TCERG1L: variants seen among roughly 807,000 people sequenced by gnomAD.
The protein encoded by TCERG1L is transcription elongation regulator 1-like protein.
A neutral mutation model predicts 56.3 loss-of-function variants in TCERG1L; 37 were observed. The ratio of observed to expected loss-of-function variants is 0.66; its 90% CI spans 0.51 to 0.87. TCERG1L has a LOEUF of 0.87. Ranked by LOEUF, TCERG1L falls within the 40% of genes least tolerant of loss-of-function variation. TCERG1L has a pLI of 0.00. For synonymous variants in TCERG1L, 324 were observed against 326.3 expected (o/e 0.99, Z 0.08); for missense variants, 799 against 774.2 (o/e 1.03, Z -0.38).
intron 3 of TCERG1L, among the ~76,000 whole-genome samples, chr10:131,275,239 G>T (rs149124929): frequency 6.6e-5 from 10 of 152,138 alleles, no homozygotes; most frequent in African/African-American, 1.9e-4. Flanking sequence ...GGGCCCCACC[G>T]CATGGGTATG....
At chr10:131,197,475 A>T (rs913221945) in intron 4 of TCERG1L, among the ~76,000 whole-genome samples, 1 of 150,800 alleles carries the variant, frequency 6.6e-6, no homozygotes, top group African/African-American at 2.4e-5. Context: ...ATGAGCCACC[A>T]CACCTGGCCT....
At chr10:131,121,718 G>A (rs548727104) in intron 8 of TCERG1L, among the ~76,000 whole-genome samples, 83 of 149,294 alleles carry the variant, frequency 5.6e-4, no homozygotes, top group African/African-American at 2.0e-3. Flanking sequence ...ATGCCCCCTC[G>A]GCCCTGGCCT....
chr10:131,293,778 C>A (rs1388298591), intron 3 of TCERG1L, among the ~76,000 whole-genome samples: 1 of 152,224 alleles, frequency 6.6e-6, no homozygotes, highest in African/African-American at 2.4e-5. Flanking sequence ...TTTCCTCTTT[C>A]TTTAACTCTT....
At chr10:131,102,369 C>T (rs1414964048) in intron 10 of TCERG1L, among the ~76,000 whole-genome samples, 6 of 152,170 alleles carry the variant, frequency 3.9e-5, no homozygotes, top group East Asian at 1.9e-4. Context: ...GGGCTGGGAA[C>T]GGGAGTGAGG....
rs1332196589 is a variant in TCERG1L, at chr10:131,092,948, A to G, written c.*214T>C. On this transcript the variant is annotated 3_prime_UTR_variant, in exon 12 of 12. Coordinates refer to ENST00000368642, the MANE Select transcript of TCERG1L (RefSeq NM_174937.4). ...AAAACAATTAAGGGATCGACGTATCACGGTGATTAGAAATGCATCAAACTC... is the reference window on the plus strand; with the variant it reads ...AAAACAATTAAGGGATCGACGTATCGCGGTGATTAGAAATGCATCAAACTC... The G allele has an allele frequency of 9.7e-6, 5 of 514,928 alleles. No homozygotes were observed. The highest frequency in any genetic ancestry group is 1.7e-5 in the Non-Finnish European group (5 of 293,174). 31.9% of individuals were successfully genotyped at this position (514,928 alleles called of 1,614,324 possible). A position where few individuals can be genotyped will look rare whatever the true frequency, so the allele number is the denominator to read the frequency against.
intron 3 of TCERG1L, among the ~76,000 whole-genome samples, chr10:131,277,672 T>G (rs937370743): frequency 3.9e-5 from 6 of 152,106 alleles, no homozygotes; most frequent in African/African-American, 1.4e-4. Context: ...AAGTCAGTGT[T>G]GGAGAGGACA....
chr10:131,207,754 C>G (rs1321715572), intron 4 of TCERG1L, among the ~76,000 whole-genome samples: 2 of 152,134 alleles, frequency 1.3e-5, no homozygotes, highest in Non-Finnish European at 2.9e-5. Context: ...GCGCCAGGCC[C>G]GGGAACCAGG....
At chr10:131,309,375 A>G in intron 1 of TCERG1L, 76 bp from the exon 2 acceptor site, 1 of 1,523,858 alleles carries the variant, frequency 6.6e-7, no homozygotes, top group Non-Finnish European at 8.8e-7. Context: ...ACATGCTGGA[A>G]TAACTGCTTT....
At position 131,106,620 on chromosome 10, in the gene TCERG1L, G is replaced by A. The variant is rs115055457; in HGVS notation, c.1396-2266C>T. ...CAGTCTGAGATGTGGTTAGGAGACTGAGCATTGTCTTGAGAGACAGGAGAG... is the reference window on the plus strand; with the variant it reads ...CAGTCTGAGATGTGGTTAGGAGACTAAGCATTGTCTTGAGAGACAGGAGAG... On this transcript the variant is annotated intron_variant, in intron 9 of 11. Transcript: ENST00000368642. 4.9e-3 allele frequency among the ~76,000 whole-genome samples: 752 copies of A among 152,266 alleles called. 2 individuals are homozygous for A. Among genetic ancestry groups the A allele is most frequent in the African/African-American group, 0.013 (523 of 41,546 alleles).
chr10:131,238,590 C>A (rs1416934384), intron 4 of TCERG1L, among the ~76,000 whole-genome samples: 3 of 152,210 alleles, frequency 2.0e-5, no homozygotes, highest in Admixed American at 6.5e-5. Flanking sequence ...CTATTGGGAA[C>A]CTTCCTCCAT....
At chr10:131,180,449 C>T (rs180998918) in intron 4 of TCERG1L, among the ~76,000 whole-genome samples, 101 of 152,340 alleles carry the variant, frequency 6.6e-4, no homozygotes, top group South Asian at 5.2e-3. Flanking sequence ...GTTTCATTAA[C>T]GTAATAAAAA....
chr10:131,231,476 T>A (rs1048409786), intron 4 of TCERG1L, among the ~76,000 whole-genome samples: 1 of 152,120 alleles, frequency 6.6e-6, no homozygotes, highest in African/African-American at 2.4e-5. Context: ...CCGGCTGGCA[T>A]CCCCTGCAGC....
At chr10:131,284,366 A>T (rs2133565798) in intron 3 of TCERG1L, among the ~76,000 whole-genome samples, 1 of 152,254 alleles carries the variant, frequency 6.6e-6, no homozygotes, top group East Asian at 1.9e-4. Context: ...CTGAGTGATA[A>T]CAAAAATAGT....
At position 131,261,383 on chromosome 10, in the gene TCERG1L, G is replaced by A. The variant is rs146640897; in HGVS notation, c.671-939C>T. Among the ~76,000 whole-genome samples, 14 of 152,270 alleles carry A rather than the reference G, an allele frequency of 9.2e-5. No homozygotes were observed. The East Asian group carries it at 1.9e-3, about 21-fold the overall frequency. On this transcript the variant is annotated intron_variant, in intron 3 of 11. Coordinates refer to ENST00000368642, the MANE Select transcript of TCERG1L (RefSeq NM_174937.4). ...TAATTCACTACTCTTGATCTGGCAC[G>A]TCCTGTCGTGTGACCCACCCACATG...
intron 4 of TCERG1L, among the ~76,000 whole-genome samples, chr10:131,175,469 G>GT (rs1846138420): frequency 6.6e-6 from 1 of 152,208 alleles, no homozygotes; most frequent in Admixed American, 6.5e-5. Context: ...GGGCAGGCTT[G>GT]TCCCACTGGG....
intron 4 of TCERG1L, among the ~76,000 whole-genome samples, chr10:131,220,831 G>A (rs143759659): frequency 8.5e-5 from 13 of 152,322 alleles, no homozygotes; most frequent in African/African-American, 2.6e-4. Context: ...GCAGCACCTC[G>A]GGGGCTCCGA....
chr10:131,218,524 G>A (rs11017824), intron 4 of TCERG1L, among the ~76,000 whole-genome samples: 9,652 of 151,930 alleles, frequency 0.064, 439 homozygotes, highest in East Asian at 0.18. Flanking sequence ...ACAGAGTTTC[G>A]TTCTTGTTGC....
intron 4 of TCERG1L, among the ~76,000 whole-genome samples, chr10:131,175,076 T>C: frequency 6.6e-6 from 1 of 152,158 alleles, no homozygotes; most frequent in East Asian, 1.9e-4. Flanking sequence ...GAGAATCTGG[T>C]GTCACGGCTA....
chr10:131,282,708 T>C (rs1564833270), intron 3 of TCERG1L, among the ~76,000 whole-genome samples: 1 of 152,216 alleles, frequency 6.6e-6, no homozygotes, highest in Admixed American at 6.5e-5. Flanking sequence ...ATATTGATAA[T>C]TGATCGATAT....
Sources: allele counts gnomAD v4.1 joint callset (sites outside exome capture counted in the v4.1 genomes callset), GRCh38; gene constraint gnomAD v4.1.1; transcripts MANE v1.5; gene names NCBI Gene and HGNC (gene_info 2026-07-23, HGNC 2026-07-21).